The following WDR90 variants were observed in gnomAD, a reference collection of about 807,000 sequenced individuals.
WDR90 encodes WD repeat domain 90, also known as WD repeat-containing protein 90.
A neutral mutation model predicts 195.2 loss-of-function variants in WDR90; 238 were observed. The ratio of observed to expected loss-of-function variants is 1.22; its 90% CI spans 1.10 to 1.36. The LOEUF (loss-of-function observed/expected upper bound fraction) is 1.36. Ranked by LOEUF, WDR90 falls within the 40% of genes most tolerant of loss-of-function variation. The pLI, the probability that WDR90 is intolerant of heterozygous loss-of-function variation, is 0.00. For missense variants in WDR90, 2,734 were observed against 2,439.5 expected (o/e 1.12, Z -2.54); for synonymous variants, 1,265 against 1,052.4 (o/e 1.20, Z -3.91).
At position 655,391 on chromosome 16, in the gene WDR90, G is replaced by T. The variant is rs756015271; in HGVS notation, c.1641G>T (p.Glu547Asp). ...VLRSCPVDLGEHHALQFTDLA... is the reference protein window; with the variant it reads ...VLRSCPVDLGDHHALQFTDLA... ...GTTCCTGCCCCGTGGACTTAGGGGA[G>T]CACCACGCGCTGCAGTTCACCGACC... Residue 547 changes from glutamate (E) to aspartate (D), a missense_variant, in exon 15 of 41, where the codon GAG becomes GAT. Glu to Asp is a conservative substitution (Grantham distance 45). Coordinates refer to ENST00000293879, the MANE Select transcript of WDR90 (RefSeq NM_145294.5). The T allele has an allele frequency of 6.3e-7, 1 of 1,597,298 alleles. No homozygotes were observed. Among genetic ancestry groups the T allele is most frequent in the South Asian group, 1.1e-5 (1 of 90,374 alleles).
In WDR90 at chr16:650,239, G is replaced by C. The variant is rs375386442; in HGVS notation, c.280-15G>C. The stretch of plus-strand genomic sequence containing the variant: ...GCGGCCCCTGTCTCCTCACGGCCCT[G>C]CTCCGTCCCCACAGGACAACCAAGT... On this transcript the variant is annotated splice_polypyrimidine_tract_variant and intron_variant, in intron 3 of 40. Transcript: ENST00000293879. The C allele has an allele frequency of 6.2e-7, 1 of 1,612,516 alleles. No individual in the cohort carries two copies. Among genetic ancestry groups the C allele is most frequent in the Non-Finnish European group, 8.5e-7 (1 of 1,179,654 alleles).
chr16:654,806 A>G lies in WDR90; in HGVS notation c.1438-223A>G, dbSNP rs1291219871. 3 of 568,194 alleles carry G rather than the reference A, an allele frequency of 5.3e-6. No individual in the cohort carries two copies. In the South Asian group the frequency reaches 6.5e-5, roughly 12 times the overall value. The allele number at this position is 568,194 out of a possible 1,614,324, so 35.2% of individuals were successfully genotyped here. ...CGGGGGGGTTTGTACTTCTCTGCGA[A>G]TGGGTTGCAGTGCTCAGCATTGCGG... is the stretch of plus-strand genomic sequence containing the variant. On this transcript the variant is annotated intron_variant, in intron 13 of 40. Transcript: ENST00000293879.
chr16:655,225 T>G (rs766642534), intron 14 of WDR90, 78 bp downstream of exon 14: 4 of 1,612,064 alleles, frequency 2.5e-6, no homozygotes, highest in Admixed American at 3.3e-5. Context: ...CACCTCCCCC[T>G]GGCTTGGCTG....
chr16:660,808 G>T, intron 28 of WDR90, 94 bp downstream of exon 28: 2 of 1,354,310 alleles, frequency 1.5e-6, no homozygotes, highest in Non-Finnish European at 2.0e-6. Flanking sequence ...GGTGGCAAAT[G>T]AGCGCCAGCC....
intron 18 of WDR90, 70 bp downstream of exon 18, chr16:656,607 G>A: frequency 1.3e-6 from 2 of 1,576,136 alleles, no homozygotes; most frequent in East Asian, 2.3e-5. Flanking sequence ...GTCAGCGGGG[G>A]TGAGAGGGGC....
At chr16:665,893 G>A in intron 35 of WDR90, 57 bp from the exon 36 acceptor site, 5 of 1,558,954 alleles carry the variant, frequency 3.2e-6, no homozygotes, top group Middle Eastern at 2.1e-4. Flanking sequence ...CTCTGGCCTG[G>A]GTGTGTGTCC....
chr16:656,101 G>C (rs948861805), intron 17 of WDR90: 45 of 756,602 alleles, frequency 5.9e-5, no homozygotes, highest in Admixed American at 2.7e-4. Context: ...GTGGGACGTG[G>C]GTAGTGTGTG....
At chr16:655,549 C>T (rs1203543783) in intron 15 of WDR90, 24 bp from the exon 16 acceptor site, 1 of 1,566,426 alleles carries the variant, frequency 6.4e-7, no homozygotes, top group African/African-American at 1.4e-5. Context: ...AGGGCCTCAC[C>T]TTCCCTGCCG....
chr16:658,113 G>A (rs61267098), intron 21 of WDR90, 70 bp from the exon 22 acceptor site: 141 of 1,551,838 alleles, frequency 9.1e-5, no homozygotes, highest in African/African-American at 7.1e-4. Flanking sequence ...CCTCCCTCCC[G>A]AGCCTGACCC....
Position 651,830 on chromosome 16 carries a change from G to A in WDR90, c.844G>A (p.Gly282Ser), listed in dbSNP as rs529876871. The A allele has an allele frequency of 3.2e-5, 51 of 1,610,426 alleles. No individual in the cohort carries two copies. Among genetic ancestry groups the A allele is most frequent in the Admixed American group, 3.0e-4 (18 of 60,006 alleles). ...VVQTPSPTAS[G>S]RAALAPRPFP... Reference sequence around the variant, plus strand: ...ATGGGCACTTGTCCCCCAGCAGTCCGGCCGGGCCGCCTTGGCACCCAGGCC... The same window carrying A: ...ATGGGCACTTGTCCCCCAGCAGTCCAGCCGGGCCGCCTTGGCACCCAGGCC... Residue 282 changes from glycine (G) to serine (S), a missense_variant, in exon 9 of 41, where the codon GGC (glycine) becomes AGC (serine). Coordinates refer to ENST00000293879, the MANE Select transcript of WDR90 (RefSeq NM_145294.5).
intron 22 of WDR90, 24 bp from the exon 23 acceptor site, chr16:658,501 T>C: frequency 6.3e-7 from 1 of 1,595,692 alleles, no homozygotes; most frequent in Non-Finnish European, 8.6e-7. Context: ...AGACACGGCA[T>C]TTCCCAAGAG....
At chr16:652,417 TG>T in intron 9 of WDR90, 49 bp from the exon 10 acceptor site, 1 of 1,553,162 alleles carries the variant, frequency 6.4e-7, no homozygotes, top group South Asian at 1.2e-5. Context: ...TCGGGCATTC[TG>T]GGGACCTGGC....
At chr16:649,547 CAGG>C (rs1210249101) in intron 1 of WDR90, 121 bp downstream of exon 1, 23 of 1,241,750 alleles carry the variant, frequency 1.9e-5, no homozygotes, top group Non-Finnish European at 2.1e-5. Flanking sequence ...CCCGCTCAGG[CAGG>C]GTCCCGTCTG....
Position 659,321 on chromosome 16 carries a change from T to C in WDR90, c.3129T>C (p.Cys1043=), listed in dbSNP as rs760298313. The C allele has an allele frequency of 6.3e-7, 1 of 1,599,258 alleles. No individual in the cohort carries two copies. Among genetic ancestry groups the C allele is most frequent in the Non-Finnish European group, 8.5e-7 (1 of 1,173,836 alleles). Residue 1043 remains cysteine (C), a synonymous_variant, in exon 26 of 41, where the codon TGT becomes TGC. Coordinates refer to ENST00000293879, the MANE Select transcript of WDR90 (RefSeq NM_145294.5). ...ELPRQQVPKP[C]QASPPRLGVC... Reference sequence around the variant, plus strand: ...CCCGGCAGCAGGTCCCCAAGCCATGTCAGGCATCTCCACCACGGCTGGGCG... The same window carrying C: ...CCCGGCAGCAGGTCCCCAAGCCATGCCAGGCATCTCCACCACGGCTGGGCG...
Position 656,316 on chromosome 16 carries a change from G to A in WDR90, c.1981G>A (p.Val661Ile), listed in dbSNP as rs761437220. ...CCCACCCACAGAGCACGAGGGCCCCGTCAGCTCAGTCTGTGTCAGCCCCGA... is the reference window on the plus strand; with the variant it reads ...CCCACCCACAGAGCACGAGGGCCCCATCAGCTCAGTCTGTGTCAGCCCCGA... The part of the protein sequence containing the change: ...VLLEAEHEGP[V>I]SSVCVSPDGL... The change falls in exon 18 of 41, where the codon GTC (valine) becomes ATC (isoleucine). Residue 661 changes from valine to isoleucine, a missense_variant. Val to Ile is a conservative substitution (Grantham distance 29). Coordinates refer to ENST00000293879, the MANE Select transcript of WDR90 (RefSeq NM_145294.5). 31 of 1,319,964 alleles carry A rather than the reference G, an allele frequency of 2.3e-5. No individual in the cohort carries two copies. The highest frequency in any genetic ancestry group is 7.5e-5 in the African/African-American group (5 of 66,720). The allele number at this position is 1,319,964 out of a possible 1,614,324, so 81.8% of individuals were successfully genotyped here.
Position 661,975 on chromosome 16 carries a change from G to A in WDR90, c.3949G>A (p.Gly1317Ser), listed in dbSNP as rs1172454797. 2 of 1,606,144 alleles carry A rather than the reference G, an allele frequency of 1.2e-6. No homozygotes were observed. Among genetic ancestry groups the A allele is most frequent in the African/African-American group, 1.3e-5 (1 of 74,906 alleles). Residue 1317 changes from glycine to serine, a missense_variant, in exon 32 of 41, where the codon GGC becomes AGC. Gly to Ser is a moderately conservative substitution (Grantham distance 56, BLOSUM62 0). Transcript: ENST00000293879. ...CYGAPPLLYC[G>S]TSSGQVCVWD... Reference sequence around the variant, plus strand: ...CGGGGCACCTCCCCTGCTCTATTGTGGCACCAGCTCTGGCCAGGTCTGTGT... The same window carrying A: ...CGGGGCACCTCCCCTGCTCTATTGTAGCACCAGCTCTGGCCAGGTCTGTGT...
intron 33 of WDR90, 123 bp downstream of exon 33, chr16:662,454 C>A (rs2037937804): frequency 7.6e-7 from 1 of 1,322,270 alleles, no homozygotes; most frequent in East Asian, 2.5e-5. Flanking sequence ...GCTAGCCCCT[C>A]CAAGGGACAG....
chr16:662,560 G>A, intron 33 of WDR90, 119 bp from the exon 34 acceptor site: 3 of 1,393,600 alleles, frequency 2.2e-6, no homozygotes, highest in East Asian at 2.3e-5. Context: ...CCACCGGGAG[G>A]GCACAGCCAG....
chr16:656,914 T>C (rs1289245030), intron 19 of WDR90, 43 bp downstream of exon 19: 33 of 1,597,240 alleles, frequency 2.1e-5, no homozygotes, highest in Non-Finnish European at 2.8e-5. Flanking sequence ...GACCCCACGG[T>C]GGAAGCTGGG....
Sources: allele counts gnomAD v4.1 joint callset, GRCh38; gene constraint gnomAD v4.1.1; transcripts MANE v1.5; gene names NCBI Gene and HGNC (gene_info 2026-07-23, HGNC 2026-07-21).